The following SH3RF1 variants were observed in gnomAD, a reference collection of about 807,000 sequenced individuals.
The protein encoded by SH3RF1 is E3 ubiquitin-protein ligase SH3RF1.
In SH3RF1, 32 loss-of-function variants were observed where a neutral mutation model predicts 74.0. The ratio of observed to expected loss-of-function variants is 0.43; its 90% CI spans 0.33 to 0.58. SH3RF1 has a LOEUF of 0.58. Ranked by LOEUF, SH3RF1 falls within the 20% of genes least tolerant of loss-of-function variation. SH3RF1 has a pLI of 0.05. For synonymous variants in SH3RF1, 396 were observed against 439.6 expected, an observed-to-expected ratio of 0.90 and a Z score of 1.24; for missense variants, 954 against 1,130.9, an observed-to-expected ratio of 0.84 and a Z score of 2.24.
chr4:169,251,436 T>C (rs1458734122), intron 2 of SH3RF1, among the ~76,000 whole-genome samples: 3 of 152,182 alleles, frequency 2.0e-5, no homozygotes, highest in African/African-American at 4.8e-5. Context: ...AAGATGACCA[T>C]CCTCATCCCT....
chr4:169,112,837 C>T (rs1351320119), intron 10 of SH3RF1, among the ~76,000 whole-genome samples: 1 of 152,162 alleles, frequency 6.6e-6, no homozygotes, highest in African/African-American at 2.4e-5. Context: ...AAGAAAGACA[C>T]AGACCCGCTG....
chr4:169,182,420 T>G (rs1234576639), intron 2 of SH3RF1, among the ~76,000 whole-genome samples: 1 of 152,188 alleles, frequency 6.6e-6, no homozygotes, highest in Non-Finnish European at 1.5e-5. Flanking sequence ...GCCAATATAT[T>G]TTTTCTTTTC....
rs1025926814 is a variant in SH3RF1, at chr4:169,095,133, T to C, written c.*1386A>G. 2.0e-5 allele frequency: 3 copies of C among 152,494 alleles called. No individual in the cohort carries two copies. Among genetic ancestry groups the C allele is most frequent in the Admixed American group, 6.6e-5 (1 of 15,256 alleles). 9.4% of individuals were successfully genotyped at this position (152,494 alleles called of 1,614,324 possible). ...TCTGGATCCTGCCACAATTGTAAGG[T>C]GTGGGCAAATTCACTCCCACCAAGC... On this transcript the variant is annotated 3_prime_UTR_variant, in exon 12 of 12. Coordinates refer to ENST00000284637, the MANE Select transcript of SH3RF1 (RefSeq NM_020870.4).
chr4:169,109,623 A>G (rs1160396779), intron 10 of SH3RF1, among the ~76,000 whole-genome samples: 1 of 152,154 alleles, frequency 6.6e-6, no homozygotes, highest in Non-Finnish European at 1.5e-5. Context: ...CACTTGAGAG[A>G]GATCATTTTG....
At chr4:169,135,683 A>AAATG (rs1047688382) in intron 5 of SH3RF1, among the ~76,000 whole-genome samples, 6 of 152,320 alleles carry the variant, frequency 3.9e-5, no homozygotes, top group African/African-American at 1.4e-4. Context: ...AATGTCTGCC[A>AAATG]AATGAATGAA....
At chr4:169,101,823 C>T (rs1266223831) in intron 11 of SH3RF1, among the ~76,000 whole-genome samples, 1 of 152,030 alleles carries the variant, frequency 6.6e-6, no homozygotes, top group Non-Finnish European at 1.5e-5. Context: ...TGGCCTCTGC[C>T]TCTTGGTGGC....
intron 2 of SH3RF1, chr4:169,217,496 G>T (rs963955223): frequency 1.3e-5 from 2 of 152,306 alleles, no homozygotes; most frequent in African/African-American, 2.4e-5. Context: ...TGGCAAAAGG[G>T]CCCAGGACAC....
At chr4:169,191,721 A>G (rs1734714936) in intron 2 of SH3RF1, among the ~76,000 whole-genome samples, 1 of 152,108 alleles carries the variant, frequency 6.6e-6, no homozygotes, top group African/African-American at 2.4e-5. Context: ...CAGAATAGAG[A>G]ACCCAGAAAT....
At chr4:169,220,298 T>C (rs539253583) in intron 2 of SH3RF1, 2 of 152,372 alleles carry the variant, frequency 1.3e-5, no homozygotes, top group South Asian at 2.1e-4. Context: ...TGTCCACAGC[T>C]AGCTGACACT....
At position 169,116,667 on chromosome 4, in the gene SH3RF1, C is replaced by T. The variant is rs761638462; in HGVS notation, c.1778-37G>A. On this transcript the variant is annotated intron_variant, in intron 9 of 11. Coordinates refer to ENST00000284637, the MANE Select transcript of SH3RF1 (RefSeq NM_020870.4). ...GAAGAGGGAACACAGCAAAATTCAA[C>T]TATCTAATAGATGCTGCTCACCAAA... is the stretch of plus-strand genomic sequence containing the variant. The T allele has an allele frequency of 9.9e-6, 15 of 1,511,464 alleles. No individual in the cohort carries two copies. The East Asian group carries it at 3.2e-4, about 32-fold the overall frequency. 93.6% of individuals were successfully genotyped at this position (1,511,464 alleles called of 1,614,324 possible).
chr4:169,208,412 G>A (rs964948661), intron 2 of SH3RF1, among the ~76,000 whole-genome samples: 1 of 152,052 alleles, frequency 6.6e-6, no homozygotes, highest in Non-Finnish European at 1.5e-5. Context: ...GCAATGGGTA[G>A]GGGAGAAAAG....
Position 169,094,287 on chromosome 4 carries a change from A to T in SH3RF1, c.*2232T>A, listed in dbSNP as rs1349836714. 6.6e-6 allele frequency: 1 copy of T among 152,124 alleles called. No homozygotes were observed. Among genetic ancestry groups the T allele is most frequent in the African/African-American group, 2.4e-5 (1 of 41,436 alleles). The allele number at this position is 152,124 out of a possible 1,614,324, so 9.4% of individuals were successfully genotyped here. A position where few individuals can be genotyped will look rare whatever the true frequency, so the allele number is the denominator to read the frequency against. On this transcript the variant is annotated 3_prime_UTR_variant, in exon 12 of 12. Transcript: ENST00000284637. The stretch of plus-strand genomic sequence containing the variant: ...GTTTGAACATCAAATTTTAATCTTG[A>T]AACCTTTTATCCAGTCCTCAAATTA...
chr4:169,107,194 C>T lies in SH3RF1; in HGVS notation c.2151G>A (p.Lys717=). ...CGCCAGAAAGCAACTTCAACAAACC[C>T]TTTTTTTCTTTCTGGAAAAAAAAAA... ...KPDKDSKKEK[K]GLLKLLSGAS... The change falls in exon 11 of 12, where the codon AAG becomes AAA. Residue 717 remains lysine, a synonymous_variant. Coordinates refer to ENST00000284637, the MANE Select transcript of SH3RF1 (RefSeq NM_020870.4). 6.5e-7 allele frequency: 1 copy of T among 1,539,112 alleles called. No homozygotes were observed. The highest frequency in any genetic ancestry group is 8.7e-7 in the Non-Finnish European group (1 of 1,144,248).
At chr4:169,256,267 A>AGAGAAAGGGAGAAGGGAGG (rs1472409374) in intron 2 of SH3RF1, among the ~76,000 whole-genome samples, 2 of 151,288 alleles carry the variant, frequency 1.3e-5, no homozygotes, top group African/African-American at 4.9e-5. Context: ...AGGGAGGGAG[A>AGAGAAAGGGAGAAGGGAGG]GAGAAAGGGA....
At chr4:169,153,195 C>T (rs557358292) in intron 4 of SH3RF1, among the ~76,000 whole-genome samples, 126 of 152,190 alleles carry the variant, frequency 8.3e-4, no homozygotes, top group African/African-American at 1.9e-3. Flanking sequence ...GTACCCTCTG[C>T]GTGATAGTCT....
intron 2 of SH3RF1, among the ~76,000 whole-genome samples, chr4:169,242,368 G>A (rs1428235329): frequency 2.0e-5 from 3 of 152,060 alleles, no homozygotes; most frequent in East Asian, 1.9e-4. Flanking sequence ...ATGAAATATC[G>A]CTTCTAAAAT....
chr4:169,163,323 A>C (rs1734181516), intron 2 of SH3RF1, among the ~76,000 whole-genome samples: 2 of 152,102 alleles, frequency 1.3e-5, no homozygotes, highest in African/African-American at 4.8e-5. Flanking sequence ...TTTTCTAGAA[A>C]CTAAAATACA....
At chr4:169,186,803 G>A (rs1398552635) in intron 2 of SH3RF1, among the ~76,000 whole-genome samples, 1 of 149,360 alleles carries the variant, frequency 6.7e-6, no homozygotes, top group African/African-American at 2.5e-5. Flanking sequence ...TCAGGAGATC[G>A]AGACCATCCT....
chr4:169,268,465 A>C (rs1488837368), intron 2 of SH3RF1, among the ~76,000 whole-genome samples: 2 of 152,236 alleles, frequency 1.3e-5, no homozygotes, highest in African/African-American at 4.8e-5. Flanking sequence ...CATACATGTA[A>C]TTATGACTCT....
Sources: allele counts gnomAD v4.1 joint callset (sites outside exome capture counted in the v4.1 genomes callset), GRCh38; gene constraint gnomAD v4.1.1; transcripts MANE v1.5; gene names NCBI Gene and HGNC (gene_info 2026-07-23, HGNC 2026-07-21).